The following USP28 variants were observed in gnomAD, a reference collection of about 807,000 sequenced individuals.
USP28 encodes the protein ubiquitin specific peptidase 28, also known as ubiquitin carboxyl-terminal hydrolase 28.
Under a neutral mutation model 145.0 loss-of-function variants are expected in USP28, and 113 were observed. The observed-to-expected ratio is 0.78, with a 90% CI of 0.67 to 0.91. The LOEUF is 0.91. Among genes scored for constraint, USP28 ranks in the 40% least tolerant of loss-of-function variants. USP28 has a pLI of 0.00. For missense variants in USP28, 1,201 were observed against 1,289.6 expected (o/e 0.93, Z 1.05); for synonymous variants, 447 against 450.9 (o/e 0.99, Z 0.11).
In USP28 at chr11:113,815,393, C is replaced by G; in HGVS notation, c.1464-11G>C. ...CTTTCTGTACTTGTACTGAGGAAGA[C>G]AAAAATCATGCTCATATGATAATTT... On this transcript the variant is annotated splice_polypyrimidine_tract_variant and intron_variant, in intron 13 of 24. Transcript: ENST00000003302. The G allele has an allele frequency of 1.2e-6, 2 of 1,606,748 alleles. No individual in the cohort carries two copies. The highest frequency in any genetic ancestry group is 2.2e-5 in the South Asian group (2 of 89,828).
intron 1 of USP28, among the ~76,000 whole-genome samples, chr11:113,873,712 T>C (rs970192664): frequency 1.3e-5 from 2 of 152,200 alleles, no homozygotes; most frequent in African/African-American, 4.8e-5. Flanking sequence ...AACTGACCTC[T>C]GAAGCCAGAG....
chr11:113,823,499 ATATTC>A, intron 12 of USP28, 101 bp downstream of exon 12: 1 of 917,296 alleles, frequency 1.1e-6, no homozygotes, highest in Non-Finnish European at 1.6e-6. Flanking sequence ...GTTTTATAAA[ATATTC>A]TAGTTAATAT....
intron 3 of USP28, among the ~76,000 whole-genome samples, chr11:113,850,744 C>A (rs964702517): frequency 6.6e-6 from 1 of 152,140 alleles, no homozygotes; most frequent in Non-Finnish European, 1.5e-5. Context: ...AGCTGCAGAA[C>A]CTTTTCTTTC....
chr11:113,815,697 A>T (rs531923869), intron 13 of USP28, among the ~76,000 whole-genome samples: 1 of 152,336 alleles, frequency 6.6e-6, no homozygotes, highest in South Asian at 2.1e-4. Flanking sequence ...TCTTTAGCTC[A>T]TGTTCTCTGA....
chr11:113,813,626 C>A, intron 15 of USP28: 1 of 429,522 alleles, frequency 2.3e-6, no homozygotes. Flanking sequence ...TAGTATCTGA[C>A]AGCAAACCTT....
intron 1 of USP28, 70 bp downstream of exon 1, chr11:113,875,375 G>T: frequency 8.8e-7 from 1 of 1,134,524 alleles, no homozygotes; most frequent in Non-Finnish European, 1.1e-6. Flanking sequence ...CCGCAGCCCT[G>T]CAGGCCCCGC....
At chr11:113,874,553 A>G (rs1949180959) in intron 1 of USP28, 1 of 1,288,820 alleles carries the variant, frequency 7.8e-7, no homozygotes, top group Non-Finnish European at 1.0e-6. Context: ...TACGACAAAT[A>G]TAGTTTCTCA....
At position 113,842,483 on chromosome 11, in the gene USP28, G is replaced by A. The variant is rs569432775; in HGVS notation, c.269-715C>T. Among the ~76,000 whole-genome samples, 9 of 152,044 alleles carry A rather than the reference G, an allele frequency of 5.9e-5. No individual in the cohort carries two copies. The South Asian group carries it at 1.9e-3, about 32-fold the overall frequency. On this transcript the variant is annotated intron_variant, in intron 3 of 24. Transcript: ENST00000003302. ...GCCTGTAGTCCCAGCTACTCAGGAG[G>A]TTGAGGTGGGAGAATGGCGTAAACC...
At chr11:113,862,117 C>G (rs142749149) in intron 1 of USP28, among the ~76,000 whole-genome samples, 5 of 152,216 alleles carry the variant, frequency 3.3e-5, no homozygotes, top group African/African-American at 7.2e-5. Flanking sequence ...GGGGCTGAGG[C>G]GGGCGGATCA....
At position 113,813,934 on chromosome 11, in the gene USP28, C is replaced by T. The variant is rs1453983320; in HGVS notation, c.1694G>A (p.Ser565Asn). The T allele has an allele frequency of 1.9e-6, 3 of 1,609,876 alleles. No individual in the cohort carries two copies. In the Admixed American group the frequency reaches 5.1e-5, roughly 27 times the overall value. ...CATCTGTTCAATAGTCTGAGTAGTA[C>T]TTGCAATACAAGTCTTTAAATCTGT... is the stretch of plus-strand genomic sequence containing the variant. The change falls in exon 15 of 25, where the codon AGT becomes AAT. Residue 565 changes from serine to asparagine, a missense_variant. Transcript: ENST00000003302.
At chr11:113,868,386 G>A (rs1318689856) in intron 1 of USP28, among the ~76,000 whole-genome samples, 1 of 151,872 alleles carries the variant, frequency 6.6e-6, no homozygotes, top group Non-Finnish European at 1.5e-5. Flanking sequence ...TTATTTCATA[G>A]AGTGCCTATG....
At chr11:113,798,592 ATACTT>A (rs150500430) in exon 25 of USP28, 11,879 of 152,618 alleles carry the variant, frequency 0.078, 621 homozygotes, top group Non-Finnish European at 0.11. Context: ...AAAGTCCTTA[ATACTT>A]TACTTTCTTT....
At chr11:113,823,514 T>G (rs1316931444) in intron 12 of USP28, 91 bp downstream of exon 12, 1 of 1,029,536 alleles carries the variant, frequency 9.7e-7, no homozygotes, top group East Asian at 2.6e-5. Context: ...CTAGTTAATA[T>G]TTAAACGTTG....
chr11:113,828,084 T>C (rs960984903), intron 10 of USP28, among the ~76,000 whole-genome samples: 3 of 152,232 alleles, frequency 2.0e-5, no homozygotes, highest in African/African-American at 7.2e-5. Flanking sequence ...ATTTGGCTTT[T>C]CTATTCAATT....
intron 15 of USP28, 109 bp from the exon 16 acceptor site, chr11:113,812,613 T>A (rs1941177935): frequency 3.2e-6 from 3 of 935,992 alleles, no homozygotes; most frequent in African/African-American, 1.7e-5. Context: ...GGGTTCATAT[T>A]AAAACATCTT....
intron 16 of USP28, among the ~76,000 whole-genome samples, chr11:113,809,897 T>C (rs1395413494): frequency 6.6e-6 from 1 of 152,086 alleles, no homozygotes; most frequent in African/African-American, 2.4e-5. Context: ...TAGTCAAGCG[T>C]GGTGGCGCAT....
At chr11:113,809,295 C>A in intron 16 of USP28, 41 bp from the exon 17 acceptor site, 1 of 1,572,790 alleles carries the variant, frequency 6.4e-7, no homozygotes. Flanking sequence ...TCACAAGGAA[C>A]GAAAACATCC....
intron 19 of USP28, among the ~76,000 whole-genome samples, chr11:113,805,849 T>G (rs1016956): frequency 0.078 from 11,898 of 152,214 alleles, 634 homozygotes; most frequent in Non-Finnish European, 0.11. Flanking sequence ...AAGGCTGGGT[T>G]AGGGTCAAGA....
At chr11:113,838,305 C>T (rs1183339349) in intron 5 of USP28, among the ~76,000 whole-genome samples, 1 of 152,186 alleles carries the variant, frequency 6.6e-6, no homozygotes, top group African/African-American at 2.4e-5. Flanking sequence ...CATTATCTTC[C>T]TATGTTCTAT....
Sources: gnomAD v4.1 joint callset for allele counts (sites outside exome capture counted in the v4.1 genomes callset) on GRCh38, gnomAD v4.1.1 for gene constraint, MANE v1.5 for transcripts, NCBI Gene and HGNC (gene_info 2026-07-23, HGNC 2026-07-21) for gene names.